Variants in CNIH3 observed in about 807,000 individuals in gnomAD.
CNIH3 encodes the protein cornichon family AMPA receptor auxiliary protein 3, also known as protein cornichon homolog 3.
Under a neutral mutation model 24.1 loss-of-function variants are expected in CNIH3, and 14 were observed. That is an observed-to-expected ratio of 0.58 (90% CI 0.38 to 0.91). CNIH3 has a LOEUF of 0.91. Among genes scored for constraint, CNIH3 ranks in the 40% least tolerant of loss-of-function variants. CNIH3 has a pLI of 0.00. For missense variants in CNIH3, 178 were observed against 196.8 expected (o/e 0.90, Z 0.57); for synonymous variants, 68 against 73.8 (o/e 0.92, Z 0.40).
chr1:224,659,526 G>A (rs565389566), intron 1 of CNIH3, among the ~76,000 whole-genome samples: 7 of 150,234 alleles, frequency 4.7e-5, no homozygotes, highest in African/African-American at 1.7e-4. Context: ...AAACCTGATG[G>A]GAAAAGAGTA....
chr1:224,539,014 A>G (rs1679407411), downstream of CNIH3, among the ~76,000 whole-genome samples: 1 of 151,808 alleles, frequency 6.6e-6, no homozygotes, highest in Non-Finnish European at 1.5e-5. Context: ...TTATCTTCCC[A>G]TGTTTTCCTG....
chr1:224,542,292 T>A (rs1358284270), downstream of CNIH3, among the ~76,000 whole-genome samples: 1 of 152,358 alleles, frequency 6.6e-6, no homozygotes, highest in South Asian at 2.1e-4. Flanking sequence ...AACAATAATT[T>A]TGGGCAATGA....
At chr1:224,669,916 A>G (rs1685780276) in intron 1 of CNIH3, among the ~76,000 whole-genome samples, 1 of 152,170 alleles carries the variant, frequency 6.6e-6, no homozygotes, top group African/African-American at 2.4e-5. Context: ...ATGTGTAACA[A>G]TGACACTGTT....
At chr1:224,528,166 A>T (rs893280748) in intron 2 of CNIH3, among the ~76,000 whole-genome samples, 5 of 152,150 alleles carry the variant, frequency 3.3e-5, no homozygotes, top group African/African-American at 1.2e-4. Context: ...TGGGAAGCTG[A>T]GGTGTAAGGA....
At chr1:224,560,573 T>C (rs1183094537) in intron 3 of CNIH3, among the ~76,000 whole-genome samples, 1 of 151,968 alleles carries the variant, frequency 6.6e-6, no homozygotes, top group Non-Finnish European at 1.5e-5. Flanking sequence ...TGGCATTAGA[T>C]TCTCATAGGA....
At chr1:224,595,378 A>T (rs1681933929) in intron 3 of CNIH3, among the ~76,000 whole-genome samples, 1 of 152,150 alleles carries the variant, frequency 6.6e-6, no homozygotes, top group South Asian at 2.1e-4. Context: ...CACTGTCATA[A>T]TCGTTTTGGG....
intron 3 of CNIH3, among the ~76,000 whole-genome samples, chr1:224,603,638 ATTTT>A (rs530392857): frequency 1.3e-5 from 2 of 151,988 alleles, no homozygotes; most frequent in African/African-American, 4.8e-5. Flanking sequence ...GGTGAGACAC[ATTTT>A]TTTTATGGTT....
chr1:224,497,118 C>CA (rs1210232582), intron 1 of CNIH3, among the ~76,000 whole-genome samples: 2 of 152,020 alleles, frequency 1.3e-5, no homozygotes, highest in Non-Finnish European at 2.9e-5. Flanking sequence ...AAGCCAGTCA[C>CA]AAAAAAACTA....
downstream of CNIH3, among the ~76,000 whole-genome samples, chr1:224,539,827 G>A (rs1679443132): frequency 6.6e-6 from 1 of 152,040 alleles, no homozygotes; most frequent in African/African-American, 2.4e-5. Context: ...TCTGTATTCT[G>A]TTTCTATATT....
rs547744708 is a variant in CNIH3, at chr1:224,569,119, C to T, written n.516+2855C>T. The stretch of plus-strand genomic sequence containing the variant: ...CCAACCTCAGGTGATCTGCCCGTCT[C>T]GGCCTCCCAAAGTGGTGGGATTACA... On this transcript the variant is annotated intron_variant and non_coding_transcript_variant, in intron 4 of 5. Coordinates refer to the CNIH3 transcript ENST00000471578. 7.9e-5 allele frequency among the ~76,000 whole-genome samples: 12 copies of T among 152,336 alleles called. 1 individual carries two copies. In the South Asian group the frequency reaches 1.2e-3, roughly 16 times the overall value.
chr1:224,496,774 A>G (rs913368211), intron 1 of CNIH3, among the ~76,000 whole-genome samples: 82 of 152,338 alleles, frequency 5.4e-4, no homozygotes, highest in African/African-American at 1.7e-3. Flanking sequence ...TCCTTATTGA[A>G]AACAGGCATA....
chr1:224,635,784 C>T (rs1684059553), intron 1 of CNIH3, among the ~76,000 whole-genome samples: 1 of 152,190 alleles, frequency 6.6e-6, no homozygotes, highest in African/African-American at 2.4e-5. Flanking sequence ...TCACTCTCAC[C>T]TTGAACTCCT....
intron 1 of CNIH3, among the ~76,000 whole-genome samples, chr1:224,440,896 A>G (rs1188438525): frequency 6.0e-4 from 91 of 151,298 alleles, no homozygotes; most frequent in Non-Finnish European, 1.5e-5. Context: ...GGCTCACTGC[A>G]AGCTCTGCCT....
intron 1 of CNIH3, among the ~76,000 whole-genome samples, chr1:224,623,894 C>T (rs533207992): frequency 6.6e-6 from 1 of 152,282 alleles, no homozygotes; most frequent in African/African-American, 2.4e-5. Flanking sequence ...GAGCTGCAGA[C>T]AAGCCTTTGG....
chr1:224,614,298 G>A (rs1468550016), upstream of CNIH3, among the ~76,000 whole-genome samples: 2 of 152,224 alleles, frequency 1.3e-5, no homozygotes, highest in African/African-American at 4.8e-5. Context: ...AATGTAGATC[G>A]GTTCATTGCT....
chr1:224,623,331 G>A lies in CNIH3; in HGVS notation c.81+6076G>A, dbSNP rs115677446. Among the ~76,000 whole-genome samples, 677 of 152,124 alleles carry A rather than the reference G, an allele frequency of 4.5e-3. 3 individuals carry two copies. Among genetic ancestry groups the A allele is most frequent in the African/African-American group, 0.015 (640 of 41,484 alleles). ...TCCTGCTGCTGCTCTCCACTGCTGC[G>A]TCCTCTGTTTCCTGTCGCTCCTGTA... On this transcript the variant is annotated intron_variant, in intron 1 of 5. Coordinates refer to ENST00000272133, the MANE Select transcript of CNIH3 (RefSeq NM_152495.2).
intron 1 of CNIH3, among the ~76,000 whole-genome samples, chr1:224,520,643 A>C (rs1227021644): frequency 6.6e-6 from 1 of 152,214 alleles, no homozygotes; most frequent in Non-Finnish European, 1.5e-5. Flanking sequence ...AGGTTCTGGG[A>C]CAGGAAGTGC....
At chr1:224,439,783 G>T (rs1426260901) in intron 1 of CNIH3, among the ~76,000 whole-genome samples, 4 of 137,922 alleles carry the variant, frequency 2.9e-5, no homozygotes, top group South Asian at 2.4e-4. Flanking sequence ...AGGTAATTTT[G>T]GTTTTTGTTT....
exon 3 of CNIH3, chr1:224,546,923 C>A: frequency 5.1e-6 from 5 of 984,718 alleles, no homozygotes; most frequent in Non-Finnish European, 6.0e-6. Context: ...TTTTTAGTGA[C>A]AAAGACTGTG....
Sources: gnomAD v4.1 joint callset for allele counts (sites outside exome capture counted in the v4.1 genomes callset) on GRCh38, gnomAD v4.1.1 for gene constraint, MANE v1.5 for transcripts, NCBI Gene and HGNC (gene_info 2026-07-23, HGNC 2026-07-21) for gene names.